The following OPCML variants were observed in gnomAD, a reference collection of about 807,000 sequenced individuals.
OPCML encodes the protein opioid binding protein/cell adhesion molecule like.
Under a neutral mutation model 37.8 loss-of-function variants are expected in OPCML, and 13 were observed. The observed-to-expected ratio is 0.34, with a 90% CI of 0.22 to 0.55. The LOEUF (loss-of-function observed/expected upper bound fraction) is 0.55, where lower values mean the gene tolerates loss of function less well. OPCML is among the 20% of genes least tolerant of loss of function. The pLI, the probability that OPCML is intolerant of heterozygous loss-of-function variation, is 0.91. For synonymous variants in OPCML, 176 were observed against 168.8 expected (o/e 1.04, Z -0.33); for missense variants, 341 against 435.6 (o/e 0.78, Z 1.93).
At chr11:133,023,392 A>G (rs947745476) in intron 1 of OPCML, among the ~76,000 whole-genome samples, 21 of 152,304 alleles carry the variant, frequency 1.4e-4, no homozygotes, top group African/African-American at 5.1e-4. Context: ...GCACTTCACG[A>G]TGCTCGGGGA....
chr11:132,445,521 ACT>A (rs57272941), intron 4 of OPCML, among the ~76,000 whole-genome samples: 13,180 of 151,976 alleles, frequency 0.087, 978 homozygotes, highest in African/African-American at 0.19. Context: ...TGGCAAGGAA[ACT>A]CTCTGAAATC....
intron 1 of OPCML, among the ~76,000 whole-genome samples, chr11:133,491,994 G>T (rs1947673963): frequency 6.6e-6 from 1 of 152,176 alleles, no homozygotes; most frequent in Admixed American, 6.5e-5. Flanking sequence ...GGCAGGAGAG[G>T]AGATGAGGAA....
At chr11:133,007,689 GAAATTAAGCCAGAAA>G in intron 1 of OPCML, 1 of 985,378 alleles carries the variant, frequency 1.0e-6, no homozygotes, top group Non-Finnish European at 1.2e-6. Context: ...GAGAGATGAA[GAAATTAAGCCAGAAA>G]AAGTTCAGTG....
intron 3 of OPCML, among the ~76,000 whole-genome samples, chr11:132,539,379 A>T (rs2096349652): frequency 6.6e-6 from 1 of 152,216 alleles, no homozygotes; most frequent in Non-Finnish European, 1.5e-5. Context: ...ATGAAGTGAA[A>T]ATAGTGAATC....
chr11:132,943,228 G>T lies in OPCML; in HGVS notation c.62-218C>A. On this transcript the variant is annotated intron_variant, in intron 1 of 7. Coordinates refer to ENST00000524381, the MANE Select transcript of OPCML (RefSeq NM_001012393.5). This position sits in a 1 kb window ranked among gnomAD's most constrained non-coding sequence, Gnocchi z 4.3. ...TCGCCAGGAGCAGGGGGAAGGAGAA[G>T]AGAGGAGTCCGGGCTCTCCGGAGTC... 2 of 1,328,776 alleles carry T rather than the reference G, an allele frequency of 1.5e-6. No homozygotes were observed. The highest frequency in any genetic ancestry group is 2.1e-6 in the Non-Finnish European group (2 of 966,780). The allele number at this position is 1,328,776 out of a possible 1,614,324, so 82.3% of individuals were successfully genotyped here. A position where few individuals can be genotyped will look rare whatever the true frequency, so the allele number is the denominator to read the frequency against.
chr11:133,120,356 G>A (rs940509099), intron 1 of OPCML, among the ~76,000 whole-genome samples: 2 of 152,118 alleles, frequency 1.3e-5, no homozygotes, highest in African/African-American at 2.4e-5. Context: ...GCTAAAATGG[G>A]CAAGGCCATA....
intron 2 of OPCML, among the ~76,000 whole-genome samples, chr11:132,925,801 A>G (rs1944970431): frequency 1.3e-5 from 2 of 152,106 alleles, no homozygotes; most frequent in Admixed American, 1.3e-4. Flanking sequence ...CAGTGTGTTG[A>G]GGGTTTTTTC....
Position 132,886,955 on chromosome 11 carries a change from T to C in OPCML, c.146+55971A>G, listed in dbSNP as rs146719332. Reference sequence around the variant, plus strand: ...GAGCACTAGCCCCATGGAGAGCACATTGGATTCAAGCCACTGAGCATCTCA... The same window carrying C: ...GAGCACTAGCCCCATGGAGAGCACACTGGATTCAAGCCACTGAGCATCTCA... On this transcript the variant is annotated intron_variant, in intron 2 of 7. Transcript: ENST00000524381. 5.4e-3 allele frequency among the ~76,000 whole-genome samples: 817 copies of C among 152,212 alleles called. 11 individuals are homozygous for C. Among genetic ancestry groups the C allele is most frequent in the African/African-American group, 0.019 (774 of 41,544 alleles).
At chr11:133,198,086 C>T (rs1938610093) in intron 1 of OPCML, among the ~76,000 whole-genome samples, 1 of 152,198 alleles carries the variant, frequency 6.6e-6, no homozygotes, top group African/African-American at 2.4e-5. Flanking sequence ...TATTTTTCAA[C>T]CTTCCTAGAA....
intron 2 of OPCML, among the ~76,000 whole-genome samples, chr11:132,882,581 C>T (rs536661348): frequency 1.3e-5 from 2 of 152,188 alleles, no homozygotes; most frequent in South Asian, 4.2e-4. Flanking sequence ...CTTTATCTCA[C>T]GGGACGTATA....
chr11:133,355,661 C>T (rs1187916797), intron 1 of OPCML, among the ~76,000 whole-genome samples: 1 of 152,188 alleles, frequency 6.6e-6, no homozygotes, highest in Non-Finnish European at 1.5e-5. Context: ...TACTGCACTG[C>T]ATGATTTCAG....
In OPCML at chr11:132,758,458, T is replaced by C. The variant is rs556422670; in HGVS notation, c.147-101139A>G. ...TGAGCATGGAATGATTTTCCGTTTG[T>C]GTCCTCTCTTATTTCCTTGAGCAGT... On this transcript the variant is annotated intron_variant, in intron 2 of 7. Coordinates refer to ENST00000524381, the MANE Select transcript of OPCML (RefSeq NM_001012393.5). Among the ~76,000 whole-genome samples the C allele has an allele frequency of 1.6e-3, 238 of 152,352 alleles. 6 individuals carry two copies. The highest frequency in any genetic ancestry group is 6.8e-3 in the Middle Eastern group (2 of 294).
chr11:132,791,138 A>C (rs1937880402), intron 2 of OPCML, among the ~76,000 whole-genome samples: 1 of 152,188 alleles, frequency 6.6e-6, no homozygotes, highest in South Asian at 2.1e-4. Flanking sequence ...AGCTGCTGAC[A>C]TCAAAGCCGT....
chr11:132,746,068 C>T (rs1945624240), intron 2 of OPCML, among the ~76,000 whole-genome samples: 1 of 151,912 alleles, frequency 6.6e-6, no homozygotes, highest in Non-Finnish European at 1.5e-5. Context: ...TCCAGTTTTG[C>T]CCTCCCCAAG....
intron 3 of OPCML, among the ~76,000 whole-genome samples, chr11:132,596,143 G>A (rs559392871): frequency 2.6e-5 from 4 of 152,266 alleles, no homozygotes; most frequent in African/African-American, 9.6e-5. Flanking sequence ...TAGTGGCTTT[G>A]TGCAGACTGA....
intron 1 of OPCML, among the ~76,000 whole-genome samples, chr11:133,149,691 T>G (rs79423801): frequency 4.6e-5 from 7 of 152,344 alleles, no homozygotes; most frequent in African/African-American, 1.7e-4. Context: ...TTGAGGATGG[T>G]GCTGCTGGCT....
intron 1 of OPCML, among the ~76,000 whole-genome samples, chr11:133,137,262 T>G (rs1037447593): frequency 6.6e-6 from 1 of 152,230 alleles, no homozygotes; most frequent in Non-Finnish European, 1.5e-5. Context: ...TTCACTCTTT[T>G]GGAAGGCTGG....
intron 2 of OPCML, among the ~76,000 whole-genome samples, chr11:132,864,890 C>T (rs1942463231): frequency 6.6e-6 from 1 of 152,210 alleles, no homozygotes; most frequent in Non-Finnish European, 1.5e-5. Flanking sequence ...TACCCTGGGC[C>T]AGGCACTATG....
chr11:133,528,813 C>T (rs1246323001), intron 1 of OPCML, among the ~76,000 whole-genome samples: 1 of 152,178 alleles, frequency 6.6e-6, no homozygotes, highest in East Asian at 1.9e-4. Context: ...GGGGACCCCT[C>T]CCAGCTAACT....
Sources: allele counts gnomAD v4.1 joint callset (sites outside exome capture counted in the v4.1 genomes callset), GRCh38; gene constraint gnomAD v4.1.1; non-coding constraint Gnocchi (gnomAD v3.1); transcripts MANE v1.5; gene names NCBI Gene and HGNC (gene_info 2026-07-23, HGNC 2026-07-21).